The following FBXO17 variants were observed in gnomAD, a reference collection of about 807,000 sequenced individuals.
FBXO17 encodes F-box protein 17, also known as F-box only protein 17.
In FBXO17, 43 loss-of-function variants were observed where a neutral mutation model predicts 34.1. That is an observed-to-expected ratio of 1.26 (90% CI 0.99 to 1.62). FBXO17 has a LOEUF of 1.62. Among genes scored for constraint, FBXO17 ranks in the 40% most tolerant of loss-of-function variants. The probability of loss-of-function intolerance (pLI) is 0.00; values close to 1 mark genes in which losing one functional copy is unlikely to be tolerated. For missense variants in FBXO17, 424 were observed against 386.7 expected (o/e 1.10, Z -0.81); for synonymous variants, 169 against 166.0 (o/e 1.02, Z -0.14).
At chr19:38,973,669 A>G (rs1219442866) in intron 1 of FBXO17, among the ~76,000 whole-genome samples, 3 of 152,160 alleles carry the variant, frequency 2.0e-5, no homozygotes, top group Admixed American at 6.5e-5. Flanking sequence ...AAATACAAAA[A>G]TGTTATTTTA....
intron 1 of FBXO17, among the ~76,000 whole-genome samples, chr19:38,960,832 A>G (rs1426149685): frequency 5.9e-5 from 8 of 134,546 alleles, no homozygotes; most frequent in Admixed American, 1.6e-4. Context: ...TTTGATATGG[A>G]GTCTTGCTCT....
intron 1 of FBXO17, among the ~76,000 whole-genome samples, chr19:38,969,694 T>A (rs993338932): frequency 6.0e-5 from 9 of 150,144 alleles, no homozygotes; most frequent in Admixed American, 4.7e-4. Context: ...CCTTCTGGGT[T>A]CAAGTGATTC....
intron 3 of FBXO17, among the ~76,000 whole-genome samples, chr19:38,948,075 C>T (rs556927098): frequency 1.3e-4 from 20 of 149,978 alleles, no homozygotes; most frequent in Admixed American, 1.2e-3. Context: ...GGTGCAATCT[C>T]GGCTCACTGC....
chr19:38,953,767 A>G (rs1975121226), intron 1 of FBXO17, among the ~76,000 whole-genome samples: 1 of 152,120 alleles, frequency 6.6e-6, no homozygotes, highest in South Asian at 2.1e-4. Flanking sequence ...GGGAAACTGA[A>G]TGAGCAGCAG....
intron 3 of FBXO17, among the ~76,000 whole-genome samples, chr19:38,948,256 G>A (rs983772555): frequency 6.7e-5 from 10 of 149,306 alleles, no homozygotes; most frequent in East Asian, 4.1e-4. Flanking sequence ...GATTACAGGC[G>A]AGAGCCACCG....
At position 38,952,361 on chromosome 19, in the gene FBXO17, T is replaced by C. The variant is rs184707597; in HGVS notation, c.-17-2025A>G. Reference sequence around the variant, plus strand: ...CCATACCCCAATGTGTGCCAGCTACTGTGACCTTTGGAACCCATGACCCAT... The same window carrying C: ...CCATACCCCAATGTGTGCCAGCTACCGTGACCTTTGGAACCCATGACCCAT... On this transcript the variant is annotated intron_variant, in intron 1 of 5. Transcript: ENST00000292852. Among the ~76,000 whole-genome samples, 445 of 152,340 alleles carry C rather than the reference T, an allele frequency of 2.9e-3. 4 individuals are homozygous for C. Among genetic ancestry groups the C allele is most frequent in the African/African-American group, 0.01 (428 of 41,566 alleles).
Position 38,950,135 on chromosome 19 carries a change from T to A in FBXO17, c.185A>T (p.Gln62Leu), listed in dbSNP as rs371932787. Reference protein sequence around the residue: ...IVDGPTVWLLQLARDRSAEGR... With the variant: ...IVDGPTVWLLLLARDRSAEGR... ...CTCGGCGCTGCGGTCGCGGGCCAGC[T>A]GCAGCAGCCACACAGTGGGCCCGTC... The change falls in exon 2 of 6, where the codon CAG (glutamine) becomes CTG (leucine). Residue 62 changes from glutamine to leucine, a missense_variant. Transcript: ENST00000292852. The A allele has an allele frequency of 1.3e-6, 2 of 1,562,014 alleles. No individual in the cohort carries two copies. Among genetic ancestry groups the A allele is most frequent in the African/African-American group, 2.7e-5 (2 of 73,628 alleles).
chr19:38,948,374 G>A (rs563006113), intron 3 of FBXO17, among the ~76,000 whole-genome samples, 193 bp downstream of exon 3: 1 of 152,294 alleles, frequency 6.6e-6, no homozygotes, highest in South Asian at 2.1e-4. Flanking sequence ...TAACCTTCCT[G>A]ATCTTTCCTT....
chr19:38,944,256 C>CATTATTATTATTATTATT (rs55839664), intron 5 of FBXO17, among the ~76,000 whole-genome samples: 13,206 of 146,372 alleles, frequency 0.09, 718 homozygotes, highest in Middle Eastern at 0.16. Context: ...TGATCTGACT[C>CATTATTATTATTATTATT]ATTATTATTA....
At position 38,941,884 on chromosome 19, in the gene FBXO17, AC is replaced by A. The variant is rs2144803040; in HGVS notation, c.*723del. 6.6e-6 allele frequency: 1 copy of A among 152,308 alleles called. No homozygotes were observed. Among genetic ancestry groups the A allele is most frequent in the East Asian group, 1.9e-4 (1 of 5,180 alleles). 9.4% of individuals were successfully genotyped at this position (152,308 alleles called of 1,614,324 possible). A position where few individuals can be genotyped will look rare whatever the true frequency, so the allele number is the denominator to read the frequency against. On this transcript the variant is annotated 3_prime_UTR_variant, in exon 6 of 6. Transcript: ENST00000292852. ...ATGACTTTGTTAGTCTCAAGGACAG[AC>A]TGCCTCAGCGGACCTCTGCTCCCTG...
At chr19:38,952,887 C>T (rs1014948623) in intron 1 of FBXO17, 4 of 455,870 alleles carry the variant, frequency 8.8e-6, no homozygotes, top group African/African-American at 4.0e-5. Context: ...GTGCCCCACT[C>T]GCATGATCCT....
intron 3 of FBXO17, 40 bp from the exon 4 acceptor site, chr19:38,946,607 T>C (rs2144811231): frequency 6.4e-7 from 1 of 1,571,170 alleles, no homozygotes; most frequent in South Asian, 1.1e-5. Context: ...CAAACAGTCC[T>C]GGCATTCAAG....
intron 1 of FBXO17, among the ~76,000 whole-genome samples, chr19:38,961,187 T>C (rs114557484): frequency 0.01 from 1,577 of 152,280 alleles, 33 homozygotes; most frequent in African/African-American, 0.036. Flanking sequence ...ATTAACTGTG[T>C]TCATTTTATA....
chr19:38,949,928 C>T lies in FBXO17; in HGVS notation c.349+43G>A, dbSNP rs1430255367. 3 of 1,453,634 alleles carry T rather than the reference C, an allele frequency of 2.1e-6. 1 individual carries two copies. The highest frequency in any genetic ancestry group is 3.9e-4 in the Middle Eastern group (2 of 5,134). The allele number at this position is 1,453,634 out of a possible 1,614,324, so 90.0% of individuals were successfully genotyped here. ...CCCGGCCCCGCCCCCGCCTCGCTCGCGCGGCCCCCCTCAGCCTCCTGGGCC... is the reference window on the plus strand; with the variant it reads ...CCCGGCCCCGCCCCCGCCTCGCTCGTGCGGCCCCCCTCAGCCTCCTGGGCC... On this transcript the variant is annotated intron_variant, in intron 2 of 5. Coordinates refer to ENST00000292852, the MANE Select transcript of FBXO17 (RefSeq NM_024907.7).
chr19:38,949,086 C>T (rs561791401), intron 2 of FBXO17, among the ~76,000 whole-genome samples: 4 of 152,026 alleles, frequency 2.6e-5, no homozygotes, highest in Non-Finnish European at 4.4e-5. Context: ...CATGCCACCA[C>T]GCCTGGCTAA....
chr19:38,948,529 TG>T, intron 3 of FBXO17, 37 bp downstream of exon 3: 1 of 1,543,170 alleles, frequency 6.5e-7, no homozygotes. Context: ...TTGGGGCCTT[TG>T]CCCCAGGGAT....
In FBXO17 at chr19:38,942,499, T is replaced by C. The variant is rs1365650082; in HGVS notation, c.*109A>G. The C allele has an allele frequency of 5.9e-6, 7 of 1,185,406 alleles. No homozygotes were observed. Among genetic ancestry groups the C allele is most frequent in the African/African-American group, 1.6e-5 (1 of 62,198 alleles). The allele number at this position is 1,185,406 out of a possible 1,614,324, so 73.4% of individuals were successfully genotyped here. On this transcript the variant is annotated 3_prime_UTR_variant, in exon 6 of 6. Transcript: ENST00000292852. ...CTGGTCTTGAACTCCCGAGCTCCAG[T>C]GATCCTCCCACCTCGGCCTCCTGAA... is the stretch of plus-strand genomic sequence containing the variant.
In FBXO17 at chr19:38,953,615, C is replaced by T. The variant is rs1346198047; in HGVS notation, c.-17-3279G>A. 3.3e-5 allele frequency among the ~76,000 whole-genome samples: 5 copies of T among 150,866 alleles called. No individual in the cohort carries two copies. The South Asian group carries it at 1.0e-3, about 32-fold the overall frequency. The stretch of plus-strand genomic sequence containing the variant: ...GGCAGAGGTTGCAATGAGCTGAGAT[C>T]GCACCACTGCACTCCAGCCTGGGCG... On this transcript the variant is annotated intron_variant, in intron 1 of 5. Coordinates refer to ENST00000292852, the MANE Select transcript of FBXO17 (RefSeq NM_024907.7).
In FBXO17 at chr19:38,942,260, CT is replaced by C. The variant is rs35798218; in HGVS notation, c.*347del. 34,836 of 131,704 alleles carry C rather than the reference CT, an allele frequency of 0.26. 4,448 individuals are homozygous for C. The highest frequency in any genetic ancestry group is 0.35 in the South Asian group (1,395 of 3,994). The allele number at this position is 131,704 out of a possible 1,614,324, so 8.2% of individuals were successfully genotyped here. A position where few individuals can be genotyped will look rare whatever the true frequency, so the allele number is the denominator to read the frequency against. ...TCTGGCTTCTGGCTGCAAAGCTGGT[CT>C]TTTTTTTTTTTTTTTTCATTGATAT... On this transcript the variant is annotated 3_prime_UTR_variant, in exon 6 of 6. Coordinates refer to ENST00000292852, the MANE Select transcript of FBXO17 (RefSeq NM_024907.7).
Sources: gnomAD v4.1 joint callset for allele counts (sites outside exome capture counted in the v4.1 genomes callset) on GRCh38, gnomAD v4.1.1 for gene constraint, MANE v1.5 for transcripts, NCBI Gene and HGNC (gene_info 2026-07-23, HGNC 2026-07-21) for gene names.